Variants in CLIC4 observed in about 807,000 individuals in gnomAD.
CLIC4 encodes the protein chloride intracellular channel protein 4.
CLIC4 carries 13 observed loss-of-function variants against 24.6 expected under a neutral mutation model. The observed-to-expected ratio is 0.53, with a 90% CI of 0.34 to 0.84. CLIC4 has a LOEUF of 0.84. Ranked by LOEUF, CLIC4 falls within the 40% of genes least tolerant of loss-of-function variation. CLIC4 has a pLI of 0.01. For missense variants in CLIC4, 227 were observed against 301.7 expected (o/e 0.75, Z 1.83); for synonymous variants, 104 against 111.3 (o/e 0.93, Z 0.41).
intron 1 of CLIC4, among the ~76,000 whole-genome samples, chr1:24,796,396 C>A (rs781262474): frequency 1.3e-5 from 2 of 151,724 alleles, no homozygotes; most frequent in African/African-American, 4.8e-5. Flanking sequence ...ACCATGTTGG[C>A]CAGGCTGGTC....
chr1:24,819,690 C>T (rs182646477), intron 3 of CLIC4, among the ~76,000 whole-genome samples: 37 of 151,908 alleles, frequency 2.4e-4, no homozygotes, highest in Middle Eastern at 3.4e-3. Context: ...CCACCCGCCT[C>T]GGCCTCCCAG....
At chr1:24,839,364 A>T (rs1470673458) in intron 4 of CLIC4, among the ~76,000 whole-genome samples, 1 of 152,180 alleles carries the variant, frequency 6.6e-6, no homozygotes, top group Non-Finnish European at 1.5e-5. Context: ...CAGTGGTGCT[A>T]TCTCGGCTCA....
At chr1:24,773,970 A>G (rs1016478145) in intron 1 of CLIC4, among the ~76,000 whole-genome samples, 1 of 151,814 alleles carries the variant, frequency 6.6e-6, no homozygotes, top group African/African-American at 2.4e-5. Flanking sequence ...TTTTATTTTA[A>G]TTTTAATTTT....
rs3220273 is a variant in CLIC4, at chr1:24,824,996, TCACACACACACACA to T, written c.309-1983_309-1970del. 5.8e-4 allele frequency among the ~76,000 whole-genome samples: 78 copies of T among 133,864 alleles called. 2 individuals carry two copies. The highest frequency in any genetic ancestry group is 4.4e-3 in the Admixed American group (59 of 13,264). 87.8% of individuals were successfully genotyped at this position (133,864 alleles called of 152,430 possible). On this transcript the variant is annotated intron_variant, in intron 3 of 5. Coordinates refer to ENST00000374379, the MANE Select transcript of CLIC4 (RefSeq NM_013943.3). The stretch of plus-strand genomic sequence containing the variant: ...CCCTGGGTGACAGAGGGAGACCCTG[TCACACACACACACA>T]CACACACACACACACACACACACAC...
At chr1:24,759,500 TA>T (rs1439204953) in intron 1 of CLIC4, among the ~76,000 whole-genome samples, 1 of 152,172 alleles carries the variant, frequency 6.6e-6, no homozygotes, top group African/African-American at 2.4e-5. Context: ...TGCACTTTTT[TA>T]TTCTAGCTGA....
chr1:24,815,153 G>A (rs1639655325), intron 3 of CLIC4, among the ~76,000 whole-genome samples: 1 of 152,184 alleles, frequency 6.6e-6, no homozygotes, highest in African/African-American at 2.4e-5. Context: ...TTTTAAGTGT[G>A]CAATAATAGC....
In CLIC4 at chr1:24,749,976, G is replaced by T. The variant is rs552621728; in HGVS notation, c.72+4351G>T. Among the ~76,000 whole-genome samples the T allele has an allele frequency of 7.9e-5, 12 of 152,316 alleles. 1 individual carries two copies. The South Asian group carries it at 2.5e-3, about 32-fold the overall frequency. On this transcript the variant is annotated intron_variant, in intron 1 of 5. Coordinates refer to ENST00000374379, the MANE Select transcript of CLIC4 (RefSeq NM_013943.3). Reference sequence around the variant, plus strand: ...CTGGGTGTGGTGATACATGCCTGTGGTCCCAGCTGAGGTGGGAGGATTCCT... The same window carrying T: ...CTGGGTGTGGTGATACATGCCTGTGTTCCCAGCTGAGGTGGGAGGATTCCT...
chr1:24,808,077 A>G (rs1035028193), intron 2 of CLIC4, among the ~76,000 whole-genome samples: 1 of 151,978 alleles, frequency 6.6e-6, no homozygotes, highest in Non-Finnish European at 1.5e-5. Flanking sequence ...CAGCCTCCTA[A>G]CTGGGATTAC....
chr1:24,764,378 G>A (rs370920417), intron 1 of CLIC4, among the ~76,000 whole-genome samples: 49 of 151,768 alleles, frequency 3.2e-4, no homozygotes, highest in African/African-American at 1.2e-3. Flanking sequence ...GGGATTACAG[G>A]TGTGAGCCAC....
At chr1:24,784,823 G>T in intron 1 of CLIC4, among the ~76,000 whole-genome samples, 1 of 151,996 alleles carries the variant, frequency 6.6e-6, no homozygotes, top group East Asian at 1.9e-4. Context: ...GGCTAACCTG[G>T]TGAAACCCCA....
chr1:24,839,464 T>C (rs982311931), intron 4 of CLIC4, among the ~76,000 whole-genome samples: 7 of 151,960 alleles, frequency 4.6e-5, no homozygotes, highest in Admixed American at 2.0e-4. Context: ...CACGCCCGGC[T>C]AATTTTTTGT....
Position 24,840,832 on chromosome 1 carries a change from A to G in CLIC4, c.657A>G (p.Arg219=). ...DIPKEMTGIW[R]YLTNAYSRDE... ...CAAAAGAAATGACTGGCATCTGGAGATACCTAACTAATGCATACAGTAGGG... is the reference window on the plus strand; with the variant it reads ...CAAAAGAAATGACTGGCATCTGGAGGTACCTAACTAATGCATACAGTAGGG... The change falls in exon 6 of 6, where the codon AGA becomes AGG. Residue 219 remains arginine (R), a synonymous_variant. Transcript: ENST00000374379. 1 of 1,612,072 alleles carries G rather than the reference A, an allele frequency of 6.2e-7. No homozygotes were observed. Among genetic ancestry groups the G allele is most frequent in the Non-Finnish European group, 8.5e-7 (1 of 1,179,054 alleles).
chr1:24,783,554 T>G (rs1639231265), intron 1 of CLIC4, among the ~76,000 whole-genome samples: 1 of 151,922 alleles, frequency 6.6e-6, no homozygotes, highest in Non-Finnish European at 1.5e-5. Flanking sequence ...ATACAAGAAA[T>G]TAGCCGGGTG....
chr1:24,768,030 G>C (rs1000430636), intron 1 of CLIC4, among the ~76,000 whole-genome samples: 4 of 152,032 alleles, frequency 2.6e-5, no homozygotes, highest in African/African-American at 9.6e-5. Flanking sequence ...TAGTAGAGAC[G>C]GGATTTCTCC....
rs113799522 is a variant in CLIC4, at chr1:24,830,020, A to G, written c.415+2904A>G. Among the ~76,000 whole-genome samples the G allele has an allele frequency of 4.7e-3, 709 of 152,320 alleles. 4 individuals are homozygous for G. The highest frequency in any genetic ancestry group is 0.016 in the African/African-American group (663 of 41,580). On this transcript the variant is annotated intron_variant, in intron 4 of 5. Coordinates refer to ENST00000374379, the MANE Select transcript of CLIC4 (RefSeq NM_013943.3). The stretch of plus-strand genomic sequence containing the variant: ...TATGGTTTTATCCATGTCAGTGCTT[A>G]CAATTTTTAGTCTTTGTTTTAGTCA...
chr1:24,814,233 A>C lies in CLIC4; in HGVS notation c.308+14A>C. Reference sequence around the variant, plus strand: ...ATGCCCTCCCAAGTGAGTATCAAGGAAAATACGTATGAAAATATTGTCACT... The same window carrying C: ...ATGCCCTCCCAAGTGAGTATCAAGGCAAATACGTATGAAAATATTGTCACT... On this transcript the variant is annotated intron_variant, in intron 3 of 5. Coordinates refer to ENST00000374379, the MANE Select transcript of CLIC4 (RefSeq NM_013943.3). The C allele has an allele frequency of 6.2e-7, 1 of 1,603,004 alleles. No individual in the cohort carries two copies. Among genetic ancestry groups the C allele is most frequent in the Non-Finnish European group, 8.5e-7 (1 of 1,176,176 alleles).
chr1:24,820,072 T>C (rs1639712607), intron 3 of CLIC4, among the ~76,000 whole-genome samples: 1 of 39,184 alleles, frequency 2.6e-5, no homozygotes, highest in East Asian at 1.2e-3. Context: ...AGTATGTATA[T>C]ATATATGTAT....
intron 2 of CLIC4, among the ~76,000 whole-genome samples, chr1:24,798,577 C>T (rs1202927699): frequency 6.6e-6 from 1 of 152,170 alleles, no homozygotes; most frequent in African/African-American, 2.4e-5. Flanking sequence ...AACATTCATA[C>T]ATCCCCTTCC....
chr1:24,798,755 G>C (rs983038049), intron 2 of CLIC4, among the ~76,000 whole-genome samples: 2 of 151,774 alleles, frequency 1.3e-5, no homozygotes, highest in African/African-American at 4.8e-5. Context: ...CAACCTCCCT[G>C]CCTGATTCTC....
Sources: gnomAD v4.1 joint callset for allele counts (sites outside exome capture counted in the v4.1 genomes callset) on GRCh38, gnomAD v4.1.1 for gene constraint, MANE v1.5 for transcripts, NCBI Gene and HGNC (gene_info 2026-07-23, HGNC 2026-07-21) for gene names.